Variants in TCF7L2 observed in about 807,000 individuals in gnomAD.
TCF7L2 encodes transcription factor 7-like 2.
Under a neutral mutation model 77.9 loss-of-function variants are expected in TCF7L2, and 23 were observed. The observed-to-expected ratio is 0.30, with a 90% CI of 0.21 to 0.42. The LOEUF (loss-of-function observed/expected upper bound fraction) is 0.42. Among genes scored for constraint, TCF7L2 ranks in the 10% least tolerant of loss-of-function variants. TCF7L2 has a pLI of 1.00. For synonymous variants in TCF7L2, 413 were observed against 340.2 expected (o/e 1.21, Z -2.36); for missense variants, 654 against 793.1 (o/e 0.82, Z 2.11).
At chr10:113,015,069 C>G (rs2047112959) in intron 4 of TCF7L2, among the ~76,000 whole-genome samples, 1 of 152,128 alleles carries the variant, frequency 6.6e-6, no homozygotes, top group African/African-American at 2.4e-5. Context: ...GCCTGTAAGC[C>G]CAGCTACTTG....
chr10:113,123,143 C>T (rs150297027), intron 5 of TCF7L2, among the ~76,000 whole-genome samples: 1 of 152,284 alleles, frequency 6.6e-6, no homozygotes, highest in East Asian at 1.9e-4. Context: ...ATCAAGTTCA[C>T]TGGTGTCTTA....
intron 4 of TCF7L2, among the ~76,000 whole-genome samples, chr10:113,007,484 T>C (rs916219185): frequency 1.6e-4 from 24 of 152,204 alleles, no homozygotes; most frequent in African/African-American, 5.3e-4. Context: ...GCTTTGGAGG[T>C]AACATCAAAA....
Position 113,165,662 on chromosome 10 carries a change from T to G in TCF7L2, c.1499T>G (p.Leu500Arg), listed in dbSNP as rs1472170538. 6.4e-7 allele frequency: 1 copy of G among 1,558,476 alleles called. No homozygotes were observed. Among genetic ancestry groups the G allele is most frequent in the Non-Finnish European group, 8.7e-7 (1 of 1,148,136 alleles). ...TCGCCTCCCCCCTCCCCGAACCTGC[T>G]AGGCTCCCCTCCCCGAGACGCCAAG... Residue 500 changes from leucine to arginine, a missense_variant, in exon 14 of 14, where the codon CTA (leucine) becomes CGA (arginine). Physicochemically the swap from Leu to Arg is moderately radical, Grantham distance 102. This residue lies in a region of TCF7L2 where 272 missense variants were observed against 215.4 expected (regional missense o/e 1.26). Transcript: ENST00000627217.
At chr10:113,080,095 C>T (rs764832630) in intron 5 of TCF7L2, among the ~76,000 whole-genome samples, 2 of 151,914 alleles carry the variant, frequency 1.3e-5, no homozygotes, top group African/African-American at 4.8e-5. Context: ...ATACACAGCC[C>T]ACATACATGC....
intron 5 of TCF7L2, among the ~76,000 whole-genome samples, chr10:113,079,234 T>C (rs2059057201): frequency 6.6e-6 from 1 of 152,232 alleles, no homozygotes; most frequent in Admixed American, 6.5e-5. Context: ...TGGTTGTTTT[T>C]ACCTGTTGTA....
chr10:113,126,866 C>A (rs1036564311), intron 5 of TCF7L2: 11 of 986,792 alleles, frequency 1.1e-5, no homozygotes, highest in Non-Finnish European at 1.2e-5. Context: ...GACAGCGCCG[C>A]AACCCTCTCT....
chr10:113,002,219 C>G (rs923851926), intron 4 of TCF7L2, among the ~76,000 whole-genome samples: 2 of 152,174 alleles, frequency 1.3e-5, no homozygotes, highest in Non-Finnish European at 2.9e-5. Context: ...GTTCAGTCAG[C>G]TGGTCCTTGA....
chr10:113,107,625 C>T (rs2062519484), intron 5 of TCF7L2, among the ~76,000 whole-genome samples: 1 of 151,788 alleles, frequency 6.6e-6, no homozygotes, highest in Non-Finnish European at 1.5e-5. Context: ...TACCTGTAGT[C>T]CCAGCTACTT....
intron 4 of TCF7L2, among the ~76,000 whole-genome samples, chr10:112,967,447 T>G (rs1267352873): frequency 6.6e-6 from 1 of 152,124 alleles, no homozygotes; most frequent in African/African-American, 2.4e-5. Context: ...ATGAATGGCC[T>G]TGGGTGATTC....
chr10:113,128,887 G>C (rs1253234616), intron 5 of TCF7L2, among the ~76,000 whole-genome samples: 1 of 152,054 alleles, frequency 6.6e-6, no homozygotes, highest in African/African-American at 2.4e-5. Context: ...AAAGTAAGTC[G>C]GGTTTGTGGA....
intron 5 of TCF7L2, among the ~76,000 whole-genome samples, chr10:113,111,251 T>G (rs1160547841): frequency 6.6e-6 from 1 of 152,170 alleles, no homozygotes; most frequent in Non-Finnish European, 1.5e-5. Flanking sequence ...GTCAGCTTTT[T>G]GACAGTTGTA....
At chr10:113,152,281 T>C (rs2070917067) in intron 10 of TCF7L2, 52 bp from the exon 11 acceptor site, 1 of 1,484,378 alleles carries the variant, frequency 6.7e-7, no homozygotes, top group Admixed American at 1.7e-5. Context: ...TGTTCTTTCA[T>C]GCTTTTCTCT....
chr10:113,016,645 C>T (rs926044017), intron 4 of TCF7L2, among the ~76,000 whole-genome samples: 19 of 152,002 alleles, frequency 1.2e-4, no homozygotes, highest in Non-Finnish European at 2.2e-4. Flanking sequence ...CAGCTGACTT[C>T]GACTGGAATT....
chr10:113,154,827 G>C (rs1259204969), intron 11 of TCF7L2, among the ~76,000 whole-genome samples: 1 of 152,108 alleles, frequency 6.6e-6, no homozygotes, highest in Non-Finnish European at 1.5e-5. Context: ...TCTTGTAAGA[G>C]GTACTTAGAT....
chr10:113,025,084 G>A (rs2048911147), intron 4 of TCF7L2, among the ~76,000 whole-genome samples: 1 of 151,934 alleles, frequency 6.6e-6, no homozygotes, highest in South Asian at 2.1e-4. Context: ...ATGAGATAGG[G>A]TCTTGCTCTG....
intron 4 of TCF7L2, among the ~76,000 whole-genome samples, chr10:113,029,185 G>C (rs974912740): frequency 7.2e-5 from 11 of 152,084 alleles, no homozygotes; most frequent in Non-Finnish European, 1.0e-4. Context: ...CTAAGATTCA[G>C]GTTTCTGAAT....
chr10:113,061,393 A>G (rs1367865974), intron 5 of TCF7L2, among the ~76,000 whole-genome samples: 1 of 152,196 alleles, frequency 6.6e-6, no homozygotes, highest in African/African-American at 2.4e-5. Context: ...CTCAGTAGAT[A>G]ACGCGGCCAC....
intron 3 of TCF7L2, among the ~76,000 whole-genome samples, chr10:112,955,720 G>C (rs2033377959): frequency 1.3e-5 from 2 of 152,230 alleles, no homozygotes; most frequent in South Asian, 4.1e-4. Flanking sequence ...GCTGGAAGTT[G>C]GTCAGCTTTC....
chr10:113,078,442 C>G (rs2058960102), intron 5 of TCF7L2, among the ~76,000 whole-genome samples: 1 of 152,122 alleles, frequency 6.6e-6, no homozygotes, highest in African/African-American at 2.4e-5. Context: ...ACTGTGTTGC[C>G]CAGGCTGAAG....
Sources: allele counts gnomAD v4.1 joint callset (sites outside exome capture counted in the v4.1 genomes callset), GRCh38; gene constraint gnomAD v4.1.1; regional missense constraint gnomAD v4.1.1; transcripts MANE v1.5; gene names NCBI Gene and HGNC (gene_info 2026-07-23, HGNC 2026-07-21).